ACSL1: variants seen among roughly 807,000 people sequenced by gnomAD.
ACSL1 encodes the protein acyl-CoA synthetase long chain family member 1.
A neutral mutation model predicts 98.4 loss-of-function variants in ACSL1; 41 were observed. The ratio of observed to expected loss-of-function variants is 0.42; its 90% CI spans 0.32 to 0.54. The LOEUF (loss-of-function observed/expected upper bound fraction) is 0.54, where lower values mean the gene tolerates loss of function less well. ACSL1 is among the 20% of genes least tolerant of loss of function. ACSL1 has a pLI of 0.13. For synonymous variants in ACSL1, 316 were observed against 322.7 expected (o/e 0.98, Z 0.22); for missense variants, 734 against 883.1 (o/e 0.83, Z 2.14).
At chr4:184,823,339 A>G (rs1042568751) in intron 1 of ACSL1, among the ~76,000 whole-genome samples, 1 of 152,232 alleles carries the variant, frequency 6.6e-6, no homozygotes, top group African/African-American at 2.4e-5. Flanking sequence ...ACTCTCCACA[A>G]AACATTACTA....
intron 2 of ACSL1, among the ~76,000 whole-genome samples, chr4:184,801,557 A>G (rs1345969285): frequency 6.6e-6 from 1 of 152,176 alleles, no homozygotes; most frequent in African/African-American, 2.4e-5. Context: ...GATGCTAGCT[A>G]TATCAAAGCA....
chr4:184,763,523 T>C (rs1484188613), intron 15 of ACSL1, among the ~76,000 whole-genome samples: 3 of 152,188 alleles, frequency 2.0e-5, no homozygotes, highest in African/African-American at 7.2e-5. Context: ...TGAAGGTTCC[T>C]ACAAACACCT....
chr4:184,763,533 TG>T (rs913760303), intron 15 of ACSL1, among the ~76,000 whole-genome samples: 1 of 152,198 alleles, frequency 6.6e-6, no homozygotes, highest in Non-Finnish European at 1.5e-5. Flanking sequence ...TACAAACACC[TG>T]GAAGCAGCCT....
intron 2 of ACSL1, among the ~76,000 whole-genome samples, chr4:184,791,932 C>T (rs1768444435): frequency 6.6e-6 from 1 of 152,130 alleles, no homozygotes; most frequent in Non-Finnish European, 1.5e-5. Flanking sequence ...CATACAGAGA[C>T]CATATCCCTT....
intron 3 of ACSL1, among the ~76,000 whole-genome samples, chr4:184,786,887 T>C (rs1767475999): frequency 6.6e-6 from 1 of 151,838 alleles, no homozygotes; most frequent in Non-Finnish European, 1.5e-5. Context: ...AGAGACGGAG[T>C]TTCACCATGT....
chr4:184,796,320 T>C (rs1293929950), intron 2 of ACSL1, among the ~76,000 whole-genome samples: 1 of 152,210 alleles, frequency 6.6e-6, no homozygotes, highest in East Asian at 1.9e-4. Flanking sequence ...TGTGAGTTAA[T>C]GCTCCTTAAT....
At chr4:184,790,580 C>G (rs2150386729) in intron 2 of ACSL1, among the ~76,000 whole-genome samples, 1 of 152,340 alleles carries the variant, frequency 6.6e-6, no homozygotes, top group South Asian at 2.1e-4. Flanking sequence ...CTACAGCACA[C>G]TACTTTATGA....
intron 5 of ACSL1, among the ~76,000 whole-genome samples, chr4:184,777,561 GAGAA>G (rs1283063268): frequency 1.3e-5 from 2 of 151,034 alleles, no homozygotes; most frequent in East Asian, 3.9e-4. Context: ...AGGAGAGATT[GAGAA>G]AGAAAAGAAA....
chr4:184,802,304 G>A (rs1433179506), intron 2 of ACSL1, among the ~76,000 whole-genome samples: 1 of 152,130 alleles, frequency 6.6e-6, no homozygotes, highest in African/African-American at 2.4e-5. Context: ...TAACAAAAAT[G>A]CTGACTCCAG....
At chr4:184,793,820 C>T (rs939572905) in intron 2 of ACSL1, among the ~76,000 whole-genome samples, 3 of 152,144 alleles carry the variant, frequency 2.0e-5, no homozygotes, top group African/African-American at 7.2e-5. Flanking sequence ...AAAATGATTC[C>T]TTTTTGTTCC....
intron 1 of ACSL1, among the ~76,000 whole-genome samples, chr4:184,809,723 G>A (rs1321967525): frequency 6.6e-6 from 1 of 152,210 alleles, no homozygotes; most frequent in Admixed American, 6.5e-5. Context: ...GTGAACCTGG[G>A]AAGCGGAGCT....
At chr4:184,788,530 T>C in intron 3 of ACSL1, 87 bp downstream of exon 3, 1 of 1,082,982 alleles carries the variant, frequency 9.2e-7, no homozygotes, top group Non-Finnish European at 1.4e-6. Context: ...AGGCGAAAGA[T>C]AGGAGCAAAT....
In ACSL1 at chr4:184,803,550, T is replaced by C. The variant is rs369100229; in HGVS notation, c.-32-4A>G. 3 of 1,427,400 alleles carry C rather than the reference T, an allele frequency of 2.1e-6. No individual in the cohort carries two copies. The highest frequency in any genetic ancestry group is 2.9e-5 in the African/African-American group (2 of 69,004). 88.4% of individuals were successfully genotyped at this position (1,427,400 alleles called of 1,614,324 possible). A position where few individuals can be genotyped will look rare whatever the true frequency, so the allele number is the denominator to read the frequency against. On this transcript the variant is annotated splice_region_variant and splice_polypyrimidine_tract_variant and intron_variant, in intron 1 of 20. Coordinates refer to ENST00000281455, the MANE Select transcript of ACSL1 (RefSeq NM_001995.5). The surrounding 1 kb of genome is among the most constrained non-coding windows in gnomAD (Gnocchi z 4.8). ...TGATAGTTCTCTAAGCTGAATTCTG[T>C]TGGGAGAGAAAAATGTCACGTTCGT... is the stretch of plus-strand genomic sequence containing the variant.
intron 1 of ACSL1, among the ~76,000 whole-genome samples, chr4:184,820,765 C>A (rs903593163): frequency 5.9e-5 from 9 of 152,140 alleles, no homozygotes; most frequent in African/African-American, 2.2e-4. Flanking sequence ...CCACCACGCC[C>A]AGTTAATTTT....
chr4:184,778,207 C>T (rs1765616356), intron 5 of ACSL1, among the ~76,000 whole-genome samples: 1 of 152,238 alleles, frequency 6.6e-6, no homozygotes, highest in Non-Finnish European at 1.5e-5. Flanking sequence ...TACCCCACTG[C>T]CTCCGGCTGC....
chr4:184,789,506 T>C (rs1320722722), intron 2 of ACSL1, among the ~76,000 whole-genome samples: 1 of 152,404 alleles, frequency 6.6e-6, no homozygotes, highest in Non-Finnish European at 1.5e-5. Flanking sequence ...CTTTCTTGCA[T>C]AGCATCTCTA....
chr4:184,757,780 A>G lies in ACSL1; in HGVS notation c.1884+39T>C. 6.2e-7 allele frequency: 1 copy of G among 1,611,694 alleles called. No individual in the cohort carries two copies. Among genetic ancestry groups the G allele is most frequent in the African/African-American group, 1.3e-5 (1 of 74,988 alleles). On this transcript the variant is annotated intron_variant, in intron 19 of 20. Transcript: ENST00000281455. The surrounding 1 kb of genome is among the most constrained non-coding windows in gnomAD (Gnocchi z 4.5). ...ATATCTACAGGTACATTTAATGCCAAGTTATGATGAGGACAGACTGGACCC... is the reference window on the plus strand; with the variant it reads ...ATATCTACAGGTACATTTAATGCCAGGTTATGATGAGGACAGACTGGACCC...
At position 184,825,363 on chromosome 4, in the gene ACSL1, T is replaced by G. The variant is rs557026378; in HGVS notation, c.-33+553A>C. On this transcript the variant is annotated intron_variant, in intron 1 of 20. Transcript: ENST00000281455. The surrounding 1 kb of genome is among the most constrained non-coding windows in gnomAD (Gnocchi z 4.7). The stretch of plus-strand genomic sequence containing the variant: ...CACTCCTCTGGAGTCACCGAGAGAA[T>G]GTCTGCCTCTGGCAGCGGCCTCTGA... 7 of 516,908 alleles carry G rather than the reference T, an allele frequency of 1.4e-5. No homozygotes were observed. Among genetic ancestry groups the G allele is most frequent in the African/African-American group, 1.2e-4 (6 of 48,124 alleles). 32.0% of individuals were successfully genotyped at this position (516,908 alleles called of 1,614,324 possible). A position where few individuals can be genotyped will look rare whatever the true frequency, so the allele number is the denominator to read the frequency against.
chr4:184,774,549 C>T (rs1298945231), intron 7 of ACSL1, among the ~76,000 whole-genome samples: 2 of 152,176 alleles, frequency 1.3e-5, no homozygotes, highest in South Asian at 2.1e-4. Flanking sequence ...CATTTCCCAG[C>T]GGCAGGCTTC....
Sources: gnomAD v4.1 joint callset for allele counts (sites outside exome capture counted in the v4.1 genomes callset) on GRCh38, gnomAD v4.1.1 for gene constraint, Gnocchi (gnomAD v3.1) non-coding constraint, MANE v1.5 for transcripts, NCBI Gene and HGNC (gene_info 2026-07-23, HGNC 2026-07-21) for gene names.